The following NAALADL2 variants were observed in gnomAD, a reference collection of about 807,000 sequenced individuals.
NAALADL2 encodes N-acetylated alpha-linked acidic dipeptidase like 2, also known as inactive N-acetylated-alpha-linked acidic dipeptidase-like protein 2.
A neutral mutation model predicts 87.2 loss-of-function variants in NAALADL2; 76 were observed. That is an observed-to-expected ratio of 0.87 (90% CI 0.72 to 1.05). The LOEUF (loss-of-function observed/expected upper bound fraction) is 1.05. NAALADL2 is among the 50% of genes least tolerant of loss of function. NAALADL2 has a pLI of 0.00. For synonymous variants in NAALADL2, 354 were observed against 331.0 expected (o/e 1.07, Z -0.75); for missense variants, 1,089 against 945.8 (o/e 1.15, Z -1.99).
At chr3:175,013,167 G>A (rs865932064) in intron 1 of NAALADL2, among the ~76,000 whole-genome samples, 4,972 of 59,734 alleles carry the variant, frequency 0.083, 662 homozygotes, top group Middle Eastern at 0.15. Flanking sequence ...ATATAAATAT[G>A]TAATACATAT....
intron 3 of NAALADL2, among the ~76,000 whole-genome samples, chr3:174,821,072 C>A (rs1721366736): frequency 1.3e-5 from 2 of 152,132 alleles, no homozygotes; most frequent in Admixed American, 6.6e-5. Context: ...TTATCAACCA[C>A]TGATTTGTGG....
chr3:174,980,073 C>T (rs1000762689), intron 1 of NAALADL2, among the ~76,000 whole-genome samples: 14 of 152,184 alleles, frequency 9.2e-5, no homozygotes, highest in African/African-American at 3.4e-4. Context: ...ATGCCTCTCT[C>T]ACCTTTTCAC....
chr3:175,286,251 A>G (rs1186942055), intron 4 of NAALADL2, among the ~76,000 whole-genome samples: 1 of 152,198 alleles, frequency 6.6e-6, no homozygotes, highest in African/African-American at 2.4e-5. Context: ...AGAGGGAAAA[A>G]TCAAGCCTTG....
At chr3:174,452,108 G>C (rs564525259) in intron 1 of NAALADL2, among the ~76,000 whole-genome samples, 19 of 152,030 alleles carry the variant, frequency 1.2e-4, no homozygotes, top group Admixed American at 1.2e-3. Flanking sequence ...CTCCCAAAGT[G>C]CTGGAATTAT....
chr3:174,681,386 C>T (rs1342402003), intron 2 of NAALADL2, among the ~76,000 whole-genome samples: 1 of 152,140 alleles, frequency 6.6e-6, no homozygotes, highest in Non-Finnish European at 1.5e-5. Context: ...CTTGTACTAA[C>T]TCACCCCCAA....
In NAALADL2 at chr3:175,186,646, G is replaced by A. The variant is rs558447361; in HGVS notation, c.546-47285G>A. ...TACTTTACTACCTTTGAATTTTGAC[G>A]CCAAGTGCAGAAAACTGTCTGGCAA... On this transcript the variant is annotated intron_variant, in intron 2 of 13. Coordinates refer to ENST00000454872, the MANE Select transcript of NAALADL2 (RefSeq NM_207015.3). 4.6e-5 allele frequency among the ~76,000 whole-genome samples: 7 copies of A among 152,080 alleles called. No homozygotes were observed. The South Asian group carries it at 1.2e-3, about 27-fold the overall frequency.
chr3:174,455,244 C>G (rs1329156333), intron 1 of NAALADL2, among the ~76,000 whole-genome samples: 2 of 152,042 alleles, frequency 1.3e-5, no homozygotes, highest in Non-Finnish European at 2.9e-5. Flanking sequence ...AAGTAGCCTA[C>G]CAAACAAACA....
intron 1 of NAALADL2, among the ~76,000 whole-genome samples, chr3:174,948,245 C>A (rs1410579139): frequency 6.6e-6 from 1 of 152,086 alleles, no homozygotes; most frequent in Non-Finnish European, 1.5e-5. Context: ...GGCTTGATCT[C>A]CGCTCACTGC....
At chr3:175,003,608 A>G (rs1466979144) in intron 1 of NAALADL2, among the ~76,000 whole-genome samples, 1 of 152,186 alleles carries the variant, frequency 6.6e-6, no homozygotes, top group Non-Finnish European at 1.5e-5. Flanking sequence ...TAAATAAGAA[A>G]AAAATTGTGT....
intron 1 of NAALADL2, among the ~76,000 whole-genome samples, chr3:174,945,052 C>T (rs1270149848): frequency 1.3e-5 from 2 of 152,116 alleles, no homozygotes; most frequent in Non-Finnish European, 2.9e-5. Context: ...ATCTTGGCTA[C>T]CCCCTCCCCA....
intron 3 of NAALADL2, among the ~76,000 whole-genome samples, chr3:175,247,161 T>C (rs778681869): frequency 6.6e-6 from 1 of 152,168 alleles, no homozygotes; most frequent in Non-Finnish European, 1.5e-5. Context: ...CTGTTTTAAG[T>C]GCTTGGGATA....
chr3:174,506,556 C>T (rs1257897574), intron 1 of NAALADL2, among the ~76,000 whole-genome samples: 1 of 152,040 alleles, frequency 6.6e-6, no homozygotes, highest in African/African-American at 2.4e-5. Context: ...TTTAGAATAT[C>T]TAGTTTTTCA....
At chr3:175,012,923 A>G (rs183262139) in intron 1 of NAALADL2, among the ~76,000 whole-genome samples, 67 of 148,618 alleles carry the variant, frequency 4.5e-4, no homozygotes, top group Admixed American at 9.7e-4. Flanking sequence ...AAACAGATGT[A>G]TACATTTTAT....
intron 9 of NAALADL2, among the ~76,000 whole-genome samples, chr3:175,525,576 A>T (rs1258365426): frequency 6.6e-6 from 1 of 152,038 alleles, no homozygotes; most frequent in African/African-American, 2.4e-5. Flanking sequence ...AATTATTTTG[A>T]AAAAGGATTT....
chr3:174,697,279 C>T (rs1299262326), intron 2 of NAALADL2, among the ~76,000 whole-genome samples: 1 of 152,012 alleles, frequency 6.6e-6, no homozygotes, highest in Non-Finnish European at 1.5e-5. Flanking sequence ...GAAAGATGAT[C>T]AAAAAACAAG....
At chr3:175,321,977 GA>G (rs1413025471) in intron 4 of NAALADL2, among the ~76,000 whole-genome samples, 1 of 151,604 alleles carries the variant, frequency 6.6e-6, no homozygotes, top group Non-Finnish European at 1.5e-5. Flanking sequence ...CACAGAACTG[GA>G]AAAAACTACT....
intron 10 of NAALADL2, among the ~76,000 whole-genome samples, chr3:175,599,845 T>C (rs1162935635): frequency 1.3e-5 from 2 of 152,136 alleles, no homozygotes; most frequent in Non-Finnish European, 2.9e-5. Context: ...GTTTAAGATA[T>C]TTGCCTTCAT....
intron 4 of NAALADL2, among the ~76,000 whole-genome samples, chr3:175,259,828 G>T (rs1750705841): frequency 6.6e-6 from 1 of 152,162 alleles, no homozygotes; most frequent in Non-Finnish European, 1.5e-5. Flanking sequence ...AGGAGTTCAA[G>T]ACCAGCCTGG....
rs151275599 is a variant in NAALADL2, at chr3:174,863,651, A to G, written c.43+4201A>G. ...CAAGTTGCAGCCTGAGGGTAGTAGT[A>G]CTTTGTACTCCAACCTGTTATACTG... On this transcript the variant is annotated intron_variant, in intron 1 of 13. Transcript: ENST00000454872. 3.5e-3 allele frequency among the ~76,000 whole-genome samples: 538 copies of G among 151,860 alleles called. 3 individuals carry two copies. Among genetic ancestry groups the G allele is most frequent in the Middle Eastern group, 0.021 (6 of 290 alleles).
Sources: allele counts gnomAD v4.1 joint callset (sites outside exome capture counted in the v4.1 genomes callset), GRCh38; gene constraint gnomAD v4.1.1; transcripts MANE v1.5; gene names NCBI Gene and HGNC (gene_info 2026-07-23, HGNC 2026-07-21).